The following BARD1 variants were observed in gnomAD, a reference collection of about 807,000 sequenced individuals.
BARD1 encodes BRCA1 associated RING domain 1.
Under a neutral mutation model 77.0 loss-of-function variants are expected in BARD1, and 73 were observed. The ratio of observed to expected loss-of-function variants is 0.95; its 90% CI spans 0.79 to 1.15. The LOEUF (loss-of-function observed/expected upper bound fraction) is 1.15, where lower values mean the gene tolerates loss of function less well. BARD1 is among the 50% of genes most tolerant of loss of function. The pLI, the probability that BARD1 is intolerant of heterozygous loss-of-function variation, is 0.00. For synonymous variants in BARD1, 384 were observed against 338.0 expected (o/e 1.14, Z -1.49); for missense variants, 993 against 938.8 (o/e 1.06, Z -0.75).
rs1692177715 is a variant in BARD1 at position 214,728,491 on chromosome 2, G to C, written c.*185C>G. ...AGAAAAACCTTTAAAAGCAATCCCA[G>C]CTTCTAAATGGTAAACATAACATGA... On this transcript the variant is annotated 3_prime_UTR_variant, in exon 11 of 11. Coordinates refer to ENST00000260947, the MANE Select transcript of BARD1 (RefSeq NM_000465.4). The C allele has an allele frequency of 9.4e-6, 6 of 636,438 alleles. No individual in the cohort carries two copies. The South Asian group carries it at 1.2e-4, about 13-fold the overall frequency. 39.4% of individuals were successfully genotyped at this position (636,438 alleles called of 1,614,324 possible).
At chr2:214,739,332 A>G (rs1692708514) in intron 9 of BARD1, among the ~76,000 whole-genome samples, 1 of 152,182 alleles carries the variant, frequency 6.6e-6, no homozygotes, top group Non-Finnish European at 1.5e-5. Context: ...GATCTAAACT[A>G]AAGATGTTTA....
intron 3 of BARD1, 52 bp downstream of exon 3, chr2:214,792,243 TTC>T: frequency 6.6e-7 from 1 of 1,526,282 alleles, no homozygotes; most frequent in South Asian, 1.1e-5. Flanking sequence ...TGAATATGAA[TTC>T]ATCAGTTTTT....
At position 214,731,174 on chromosome 2, in the gene BARD1, C is replaced by CTGTT. The variant is rs1692340855; in HGVS notation, c.1904-670_1904-667dup. On this transcript the variant is annotated intron_variant, in intron 9 of 10. Coordinates refer to ENST00000260947, the MANE Select transcript of BARD1 (RefSeq NM_000465.4). ...CATTCTTTTGATGGCTTGAGTAAGT[C>CTGTT]TGTTCACAGCTTCAGGTTAAAAAGC... is the stretch of plus-strand genomic sequence containing the variant. 1.9e-5 allele frequency: 4 copies of CTGTT among 213,556 alleles called. No individual in the cohort carries two copies. The South Asian group carries it at 2.8e-4, about 15-fold the overall frequency. 13.2% of individuals were successfully genotyped at this position (213,556 alleles called of 1,614,324 possible). A position where few individuals can be genotyped will look rare whatever the true frequency, so the allele number is the denominator to read the frequency against.
chr2:214,739,165 T>C (rs537150863), intron 9 of BARD1, among the ~76,000 whole-genome samples: 45 of 152,090 alleles, frequency 3.0e-4, no homozygotes, highest in African/African-American at 1.1e-3. Context: ...TTGTTATTAT[T>C]CTGGAATTAA....
chr2:214,759,798 G>C (rs1424779758), intron 6 of BARD1, among the ~76,000 whole-genome samples: 1 of 152,132 alleles, frequency 6.6e-6, no homozygotes, highest in Non-Finnish European at 1.5e-5. Context: ...CTTCACTGGT[G>C]AACTATAAAA....
intron 6 of BARD1, among the ~76,000 whole-genome samples, chr2:214,753,503 TG>T (rs1331797380): frequency 1.3e-5 from 2 of 152,128 alleles, no homozygotes; most frequent in African/African-American, 4.8e-5. Context: ...GAAAATCCAA[TG>T]CAGTAAATGG....
chr2:214,780,077 C>G (rs1305664724), intron 4 of BARD1, among the ~76,000 whole-genome samples: 1 of 152,112 alleles, frequency 6.6e-6, no homozygotes, highest in Non-Finnish European at 1.5e-5. Context: ...TTGTGGTGAA[C>G]TGGAGGAGCC....
chr2:214,779,267 TA>T (rs1694870074), intron 4 of BARD1, among the ~76,000 whole-genome samples: 1 of 152,136 alleles, frequency 6.6e-6, no homozygotes, highest in African/African-American at 2.4e-5. Flanking sequence ...ATTCCTCATA[TA>T]AAATGATGTA....
chr2:214,754,808 C>T (rs1014970190), intron 6 of BARD1, among the ~76,000 whole-genome samples: 3 of 152,266 alleles, frequency 2.0e-5, no homozygotes, highest in African/African-American at 7.2e-5. Context: ...CTGAATGGCA[C>T]ATTACAAGTG....
At chr2:214,741,200 T>G (rs1316048344) in intron 9 of BARD1, among the ~76,000 whole-genome samples, 1 of 152,094 alleles carries the variant, frequency 6.6e-6, no homozygotes, top group Non-Finnish European at 1.5e-5. Flanking sequence ...AGTAATTCCC[T>G]TAGGTACTGG....
At chr2:214,795,261 A>G (rs756583681) in intron 2 of BARD1, among the ~76,000 whole-genome samples, 2 of 152,196 alleles carry the variant, frequency 1.3e-5, no homozygotes, top group African/African-American at 4.8e-5. Context: ...GAAATCTGGC[A>G]TAAGTACATT....
At chr2:214,806,876 G>GAAA (rs10636746) in intron 1 of BARD1, among the ~76,000 whole-genome samples, 39,923 of 132,014 alleles carry the variant, frequency 0.3, 6,943 homozygotes, top group South Asian at 0.36. Context: ...TTTGCCTAGG[G>GAAA]AAAAAAAAAA....
At chr2:214,798,662 T>A (rs1164423263) in intron 1 of BARD1, among the ~76,000 whole-genome samples, 1 of 151,534 alleles carries the variant, frequency 6.6e-6, no homozygotes, top group Non-Finnish European at 1.5e-5. Flanking sequence ...CACTACCTAA[T>A]TGTGCTGACC....
Position 214,727,668 on chromosome 2 carries a change from C to T in BARD1, c.*1008G>A. On this transcript the variant is annotated 3_prime_UTR_variant, in exon 11 of 11. Transcript: ENST00000260947. Reference sequence around the variant, plus strand: ...CCTACTTCTATACTTACTGTATGGCCTTTTGTATGATCTGGAAAAAATCTG... The same window carrying T: ...CCTACTTCTATACTTACTGTATGGCTTTTTGTATGATCTGGAAAAAATCTG... 1 of 229,400 alleles carries T rather than the reference C, an allele frequency of 4.4e-6. No homozygotes were observed. Among genetic ancestry groups the T allele is most frequent in the Non-Finnish European group, 8.6e-6 (1 of 115,770 alleles). The allele number at this position is 229,400 out of a possible 1,614,324, so 14.2% of individuals were successfully genotyped here. A position where few individuals can be genotyped will look rare whatever the true frequency, so the allele number is the denominator to read the frequency against.
intron 6 of BARD1, among the ~76,000 whole-genome samples, chr2:214,755,294 C>T (rs10932570): frequency 0.8 from 121,695 of 152,132 alleles, 48,759 homozygotes; most frequent in East Asian, 0.91. Context: ...GGACTCAAAA[C>T]AGACATCAAT....
intron 3 of BARD1, among the ~76,000 whole-genome samples, chr2:214,783,401 T>C (rs1268124863): frequency 1.3e-5 from 2 of 152,190 alleles, no homozygotes; most frequent in Non-Finnish European, 2.9e-5. Context: ...AATGACTTCA[T>C]GTCCTTTGCA....
intron 3 of BARD1, among the ~76,000 whole-genome samples, chr2:214,789,497 A>G (rs1574835164): frequency 6.6e-6 from 1 of 152,036 alleles, no homozygotes; most frequent in Non-Finnish European, 1.5e-5. Flanking sequence ...GTGAGCCATG[A>G]TGGCCCCAAT....
At chr2:214,746,769 C>G (rs1264327530) in intron 7 of BARD1, among the ~76,000 whole-genome samples, 4 of 152,072 alleles carry the variant, frequency 2.6e-5, no homozygotes, top group Non-Finnish European at 5.9e-5. Context: ...AAAACGTAGG[C>G]AATACCATTC....
At chr2:214,807,045 G>C (rs899355513) in intron 1 of BARD1, among the ~76,000 whole-genome samples, 2 of 151,966 alleles carry the variant, frequency 1.3e-5, no homozygotes, top group African/African-American at 4.8e-5. Flanking sequence ...AGGAAAGAAT[G>C]GTTTTTACAT....
Sources: gnomAD v4.1 joint callset for allele counts (sites outside exome capture counted in the v4.1 genomes callset) on GRCh38, gnomAD v4.1.1 for gene constraint, MANE v1.5 for transcripts, NCBI Gene and HGNC (gene_info 2026-07-23, HGNC 2026-07-21) for gene names.